Variants in KCNH1 observed in about 807,000 individuals in gnomAD.
KCNH1 encodes potassium voltage-gated channel subfamily H member 1, also known as voltage-gated delayed rectifier potassium channel KCNH1.
Under a neutral mutation model 69.2 loss-of-function variants are expected in KCNH1, and 27 were observed. The observed-to-expected ratio is 0.39, with a 90% CI of 0.29 to 0.54. The LOEUF (loss-of-function observed/expected upper bound fraction) is 0.54. Among genes scored for constraint, KCNH1 ranks in the 20% least tolerant of loss-of-function variants. The probability of loss-of-function intolerance (pLI) is 0.68; values close to 1 mark genes in which losing one functional copy is unlikely to be tolerated. For synonymous variants in KCNH1, 456 were observed against 487.7 expected, an observed-to-expected ratio of 0.93 and a Z score of 0.86; for missense variants, 798 against 1,261.6, an observed-to-expected ratio of 0.63 and a Z score of 5.57.
chr1:210,856,465 G>A (rs1685839693), intron 7 of KCNH1, among the ~76,000 whole-genome samples: 1 of 152,080 alleles, frequency 6.6e-6, no homozygotes, highest in Non-Finnish European at 1.5e-5. Context: ...GTGAGGTGAT[G>A]AGAAAGTTGA....
intron 6 of KCNH1, among the ~76,000 whole-genome samples, chr1:211,000,597 T>G (rs935643073): frequency 3.3e-5 from 5 of 152,122 alleles, no homozygotes; most frequent in Admixed American, 3.3e-4. Context: ...CCAAGGTAAT[T>G]TATAGATTCA....
chr1:210,795,597 T>C lies in KCNH1; in HGVS notation c.1915+1911A>G, dbSNP rs1310432722. On this transcript the variant is annotated intron_variant, in intron 9 of 10. Coordinates refer to ENST00000271751, the MANE Select transcript of KCNH1 (RefSeq NM_172362.3). Reference sequence around the variant, plus strand: ...AAAACAAGAAGGAAGCTACATATTGTGTGCTCCAAAGTCAAGCAGGAATAA... The same window carrying C: ...AAAACAAGAAGGAAGCTACATATTGCGTGCTCCAAAGTCAAGCAGGAATAA... Among the ~76,000 whole-genome samples the C allele has an allele frequency of 2.0e-5, 3 of 152,354 alleles. No individual in the cohort carries two copies. In the East Asian group the frequency reaches 5.8e-4, roughly 29 times the overall value.
At chr1:210,915,814 G>T (rs1875435) in intron 7 of KCNH1, among the ~76,000 whole-genome samples, 57,493 of 152,030 alleles carry the variant, frequency 0.38, 11,276 homozygotes, top group Non-Finnish European at 0.42. Flanking sequence ...GAGATGTTCA[G>T]AGCAGACAGG....
At chr1:210,986,218 G>A (rs144831617) in intron 6 of KCNH1, among the ~76,000 whole-genome samples, 2,099 of 152,222 alleles carry the variant, frequency 0.014, 50 homozygotes, top group African/African-American at 0.048. Context: ...GCACACTGAT[G>A]GGTCTTGCCT....
intron 7 of KCNH1, among the ~76,000 whole-genome samples, chr1:210,838,075 G>A (rs772980789): frequency 6.6e-6 from 1 of 152,008 alleles, no homozygotes; most frequent in Non-Finnish European, 1.5e-5. Context: ...AAATATCACC[G>A]TACCTAACTT....
intron 5 of KCNH1, among the ~76,000 whole-genome samples, chr1:211,034,470 G>T (rs1224516263): frequency 6.6e-6 from 1 of 151,986 alleles, no homozygotes; most frequent in Non-Finnish European, 1.5e-5. Flanking sequence ...GCAACATGAG[G>T]TATTCTTATG....
chr1:210,748,716 C>G (rs1188690304), intron 10 of KCNH1, among the ~76,000 whole-genome samples: 2 of 152,198 alleles, frequency 1.3e-5, no homozygotes, highest in Non-Finnish European at 2.9e-5. Context: ...TTCTGAGGTG[C>G]TTTTCTAACT....
chr1:210,960,944 G>T (rs544545663), intron 6 of KCNH1, among the ~76,000 whole-genome samples: 2 of 152,090 alleles, frequency 1.3e-5, no homozygotes, highest in Non-Finnish European at 2.9e-5. Context: ...ATTCTAATAG[G>T]TACATAGTGG....
At chr1:211,062,675 A>G (rs1352060280) in intron 5 of KCNH1, among the ~76,000 whole-genome samples, 1 of 152,236 alleles carries the variant, frequency 6.6e-6, no homozygotes, top group East Asian at 1.9e-4. Flanking sequence ...TTCTCAAAAG[A>G]CGACATACAA....
chr1:211,037,903 T>C (rs1342317072), intron 5 of KCNH1, among the ~76,000 whole-genome samples: 2 of 151,888 alleles, frequency 1.3e-5, no homozygotes, highest in Non-Finnish European at 2.9e-5. Flanking sequence ...TTATAGTGAA[T>C]AAGTCTCACG....
chr1:211,039,953 G>T (rs1689960906), intron 5 of KCNH1, among the ~76,000 whole-genome samples: 1 of 152,174 alleles, frequency 6.6e-6, no homozygotes. Flanking sequence ...ACTTTGGGAG[G>T]CTGAGGCAGG....
At chr1:210,853,959 A>AAAAC in intron 7 of KCNH1, among the ~76,000 whole-genome samples, 2 of 149,432 alleles carry the variant, frequency 1.3e-5, no homozygotes, top group Non-Finnish European at 3.0e-5. Context: ...AAAAAAAAAA[A>AAAAC]AAAAAAAAAG....
At chr1:210,849,142 C>T (rs1365064210) in intron 7 of KCNH1, among the ~76,000 whole-genome samples, 1 of 152,076 alleles carries the variant, frequency 6.6e-6, no homozygotes, top group Non-Finnish European at 1.5e-5. Flanking sequence ...ATTATGTGTG[C>T]ATATTAAAAT....
chr1:211,083,977 A>C (rs1180364023), intron 4 of KCNH1, among the ~76,000 whole-genome samples: 5 of 152,202 alleles, frequency 3.3e-5, no homozygotes, highest in Non-Finnish European at 1.5e-5. Flanking sequence ...ATATAATAAG[A>C]ATAGCAAATC....
chr1:211,075,567 G>A (rs1571626810), intron 5 of KCNH1, among the ~76,000 whole-genome samples: 1 of 152,302 alleles, frequency 6.6e-6, no homozygotes, highest in Admixed American at 6.5e-5. Flanking sequence ...GCTTCTAACT[G>A]GCCCCACCCA....
intron 10 of KCNH1, among the ~76,000 whole-genome samples, chr1:210,728,208 C>T (rs1682655608): frequency 6.6e-6 from 1 of 152,200 alleles, no homozygotes; most frequent in African/African-American, 2.4e-5. Context: ...TCTTGGCCCC[C>T]TTGTCTGAGT....
intron 6 of KCNH1, among the ~76,000 whole-genome samples, chr1:210,947,893 C>T (rs1687989008): frequency 6.6e-6 from 1 of 152,046 alleles, no homozygotes; most frequent in Admixed American, 6.6e-5. Context: ...CATCTTATCA[C>T]ATGAGTTTTT....
chr1:210,983,364 G>T (rs938793963), intron 6 of KCNH1, among the ~76,000 whole-genome samples: 4 of 152,160 alleles, frequency 2.6e-5, no homozygotes, highest in Non-Finnish European at 4.4e-5. Context: ...GTTCTGAATG[G>T]TATTGCCTAG....
chr1:211,091,146 T>C (rs774366619), intron 3 of KCNH1, among the ~76,000 whole-genome samples: 1 of 152,180 alleles, frequency 6.6e-6, no homozygotes, highest in Non-Finnish European at 1.5e-5. Context: ...AAATCCAGTT[T>C]AGGAATCCAC....
Sources: gnomAD v4.1 joint callset for allele counts (sites outside exome capture counted in the v4.1 genomes callset) on GRCh38, gnomAD v4.1.1 for gene constraint, MANE v1.5 for transcripts, NCBI Gene and HGNC (gene_info 2026-07-23, HGNC 2026-07-21) for gene names.